ATP2B4: variants seen among roughly 807,000 people sequenced by gnomAD.
ATP2B4 encodes the protein plasma membrane calcium-transporting ATPase 4.
A neutral mutation model predicts 110.3 loss-of-function variants in ATP2B4; 39 were observed. The observed-to-expected ratio is 0.35, with a 90% CI of 0.27 to 0.46. The LOEUF (loss-of-function observed/expected upper bound fraction) is 0.46. Among genes scored for constraint, ATP2B4 ranks in the 20% least tolerant of loss-of-function variants. ATP2B4 has a pLI of 1.00. For synonymous variants in ATP2B4, 538 were observed against 571.7 expected (o/e 0.94, Z 0.84); for missense variants, 1,135 against 1,530.9 (o/e 0.74, Z 4.32).
chr1:203,702,325 G>A (rs1665719421), intron 7 of ATP2B4, among the ~76,000 whole-genome samples: 3 of 152,116 alleles, frequency 2.0e-5, no homozygotes, highest in Non-Finnish European at 2.9e-5. Flanking sequence ...GGTTTGTCTT[G>A]GGGAGTGTGT....
In ATP2B4 at chr1:203,723,457, T is replaced by TCTCTCTCTCTCCCTCC. The variant is rs1407579331; in HGVS notation, c.3025-421_3025-420insTCTCTCTCCCTCCCTC. ...CTCTCTCTCTCTCTCTCTCTCTCTC[T>TCTCTCTCTCTCCCTCC]CTCCCTCTGCCTCTCTCTCTCTCTC... On this transcript the variant is annotated intron_variant, in intron 18 of 20. Transcript: ENST00000357681. 4.8e-4 allele frequency among the ~76,000 whole-genome samples: 54 copies of TCTCTCTCTCTCCCTCC among 113,566 alleles called. 2 individuals carry two copies. The highest frequency in any genetic ancestry group is 1.1e-3 in the East Asian group (4 of 3,516). 74.5% of individuals were successfully genotyped at this position (113,566 alleles called of 152,430 possible).
At chr1:203,716,274 T>G (rs1666156047) in intron 15 of ATP2B4, among the ~76,000 whole-genome samples, 1 of 145,230 alleles carries the variant, frequency 6.9e-6, no homozygotes, top group Non-Finnish European at 1.5e-5. Flanking sequence ...GTCTTTCTTA[T>G]GCTCTCCCTC....
intron 1 of ATP2B4, among the ~76,000 whole-genome samples, chr1:203,644,271 A>G (rs1021374638): frequency 8.1e-5 from 12 of 148,900 alleles, no homozygotes; most frequent in Admixed American, 1.3e-4. Flanking sequence ...AAAAAAAAAA[A>G]GAATGCTTGG....
At chr1:203,672,374 T>G (rs1254388837) in intron 1 of ATP2B4, among the ~76,000 whole-genome samples, 3 of 124,158 alleles carry the variant, frequency 2.4e-5, no homozygotes, top group Non-Finnish European at 3.2e-5. Context: ...ATTTAGGGGG[T>G]TGGGAAAAGA....
intron 1 of ATP2B4, among the ~76,000 whole-genome samples, chr1:203,675,120 T>C (rs73062383): frequency 0.014 from 2,176 of 152,322 alleles, 42 homozygotes; most frequent in African/African-American, 0.044. Flanking sequence ...ACTGTTTCCC[T>C]ACCCATGCCC....
At chr1:203,710,810 G>A (rs1665983449) in intron 11 of ATP2B4, 67 bp from the exon 12 acceptor site, 1 of 1,287,334 alleles carries the variant, frequency 7.8e-7, no homozygotes, top group Non-Finnish European at 1.1e-6. Context: ...CAAAATACCT[G>A]TCAATGATTG....
Position 203,727,380 on chromosome 1 carries a change from T to C in ATP2B4, c.3133-15T>C, listed in dbSNP as rs369659135. The C allele has an allele frequency of 6.0e-5, 97 of 1,613,404 alleles. No individual in the cohort carries two copies. Among genetic ancestry groups the C allele is most frequent in the Non-Finnish European group, 7.8e-5 (92 of 1,179,686 alleles). ...CTGATTCTGACGTCTTCCTCTTCGC[T>C]GCGCTTGTTTTCAGTTCATCTCCGC... On this transcript the variant is annotated splice_polypyrimidine_tract_variant and intron_variant, in intron 19 of 20. Coordinates refer to ENST00000357681, the MANE Select transcript of ATP2B4 (RefSeq NM_001684.5).
intron 1 of ATP2B4, among the ~76,000 whole-genome samples, chr1:203,659,145 G>A (rs1431728851): frequency 6.6e-6 from 1 of 151,938 alleles, no homozygotes; most frequent in Non-Finnish European, 1.5e-5. Flanking sequence ...AAAAAACTTG[G>A]TATAATATAA....
At chr1:203,643,295 T>C (rs1571672372) in intron 1 of ATP2B4, among the ~76,000 whole-genome samples, 2 of 152,328 alleles carry the variant, frequency 1.3e-5, no homozygotes, top group East Asian at 3.9e-4. Context: ...GTAGCGGCTG[T>C]AGAAGTCAAT....
chr1:203,719,721 TATAAATAAATAAATAA>T (rs34272522), intron 15 of ATP2B4, among the ~76,000 whole-genome samples: 3 of 146,218 alleles, frequency 2.1e-5, no homozygotes, highest in Non-Finnish European at 1.5e-5. Context: ...TCTCAAAAAC[TATAAATAAATAAATAA>T]ATAAATAAAT....
chr1:203,702,503 G>T (rs1180896026), intron 7 of ATP2B4, among the ~76,000 whole-genome samples: 3 of 152,188 alleles, frequency 2.0e-5, no homozygotes, highest in Non-Finnish European at 4.4e-5. Flanking sequence ...TTCCTCATAA[G>T]TGTCCTCTTC....
chr1:203,670,682 G>A (rs1245977732), intron 1 of ATP2B4, among the ~76,000 whole-genome samples: 3 of 152,200 alleles, frequency 2.0e-5, no homozygotes, highest in Non-Finnish European at 2.9e-5. Flanking sequence ...GTTTAGAAGT[G>A]ATGCCTGCTC....
At chr1:203,677,208 G>A (rs1664853877) in intron 1 of ATP2B4, among the ~76,000 whole-genome samples, 1 of 152,066 alleles carries the variant, frequency 6.6e-6, no homozygotes, top group Non-Finnish European at 1.5e-5. Context: ...ACAGTGTGTG[G>A]ACCAGCCACT....
rs946256706 is a variant in ATP2B4, at chr1:203,720,805, A to T, written c.2598+65A>T. The T allele has an allele frequency of 6.5e-6, 10 of 1,526,922 alleles. No individual in the cohort carries two copies. In the African/African-American group the frequency reaches 1.2e-4, roughly 19 times the overall value. 94.6% of individuals were successfully genotyped at this position (1,526,922 alleles called of 1,614,324 possible). A position where few individuals can be genotyped will look rare whatever the true frequency, so the allele number is the denominator to read the frequency against. On this transcript the variant is annotated intron_variant, in intron 16 of 20. Transcript: ENST00000357681. ...TCAGGGGCTAAGGAACATGGAGTGA[A>T]GACTACGGTGTGTTTACTGAAGAGT...
chr1:203,720,704 C>T lies in ATP2B4; in HGVS notation c.2562C>T (p.Ala854=), dbSNP rs779535351. ...TCCAGCTCACTGTCAATGTGGTGGCCGTGATTGTAGCCTTCACTGGAGCCT... is the reference window on the plus strand; with the variant it reads ...TCCAGCTCACTGTCAATGTGGTGGCTGTGATTGTAGCCTTCACTGGAGCCT... ...LQFQLTVNVV[A]VIVAFTGACI... Residue 854 remains alanine, a synonymous_variant, in exon 16 of 21, where the codon GCC becomes GCT. Transcript: ENST00000357681. 34 of 1,613,468 alleles carry T rather than the reference C, an allele frequency of 2.1e-5. No individual in the cohort carries two copies. The highest frequency in any genetic ancestry group is 2.6e-5 in the Non-Finnish European group (31 of 1,179,682).
At chr1:203,682,337 C>G (rs1455267798) in intron 1 of ATP2B4, among the ~76,000 whole-genome samples, 1 of 152,142 alleles carries the variant, frequency 6.6e-6, no homozygotes, top group Non-Finnish European at 1.5e-5. Flanking sequence ...TTTTTCTGAC[C>G]TCTTCTCATC....
intron 1 of ATP2B4, among the ~76,000 whole-genome samples, chr1:203,641,854 C>T (rs769093550): frequency 2.0e-5 from 3 of 152,182 alleles, no homozygotes; most frequent in Admixed American, 6.6e-5. Context: ...CAATGGTCTT[C>T]GCCTTGCTCA....
chr1:203,715,639 A>G (rs974894991), intron 15 of ATP2B4, among the ~76,000 whole-genome samples: 2 of 144,844 alleles, frequency 1.4e-5, no homozygotes, highest in East Asian at 2.1e-4. Flanking sequence ...ATAATTATAT[A>G]TCAATAATCT....
At chr1:203,708,131 T>G in intron 10 of ATP2B4, 27 bp downstream of exon 10, 1 of 1,611,300 alleles carries the variant, frequency 6.2e-7, no homozygotes, top group Non-Finnish European at 8.5e-7. Flanking sequence ...CGTAGACACT[T>G]AGAGTGGGTG....
Sources: allele counts gnomAD v4.1 joint callset (sites outside exome capture counted in the v4.1 genomes callset), GRCh38; gene constraint gnomAD v4.1.1; transcripts MANE v1.5; gene names NCBI Gene and HGNC (gene_info 2026-07-23, HGNC 2026-07-21).